The following GNG2 variants were observed in gnomAD, a reference collection of about 807,000 sequenced individuals.
The protein encoded by GNG2 is guanine nucleotide-binding protein G(I)/G(S)/G(O) subunit gamma-2.
A neutral mutation model predicts 5.5 loss-of-function variants in GNG2; 5 were observed. The ratio of observed to expected loss-of-function variants is 0.91; its 90% CI spans 0.48 to 1.92. The LOEUF (loss-of-function observed/expected upper bound fraction) is 1.92. Among genes scored for constraint, GNG2 ranks in the 30% most tolerant of loss-of-function variants. The pLI is 0.01. For missense variants in GNG2, 55 were observed against 88.4 expected, an observed-to-expected ratio of 0.62 and a Z score of 1.52; for synonymous variants, 28 against 32.0, an observed-to-expected ratio of 0.88 and a Z score of 0.42.
At chr14:51,843,470 G>T (rs1458661497) in intron 2 of GNG2, among the ~76,000 whole-genome samples, 4 of 152,108 alleles carry the variant, frequency 2.6e-5, no homozygotes, top group African/African-American at 9.7e-5. Flanking sequence ...CTTGATGCAT[G>T]TAGGGCTTAA....
intron 3 of GNG2, among the ~76,000 whole-genome samples, chr14:51,956,949 T>C (rs148093885): frequency 5.4e-4 from 83 of 152,302 alleles, no homozygotes; most frequent in African/African-American, 1.9e-3. Context: ...TCCTGTTTTT[T>C]TGGAGCCTAG....
chr14:51,897,205 C>T (rs915827449), intron 2 of GNG2, among the ~76,000 whole-genome samples: 1 of 152,192 alleles, frequency 6.6e-6, no homozygotes, highest in Admixed American at 6.5e-5. Context: ...TTGTATACTG[C>T]CTGCTTTGTT....
chr14:51,957,439 T>C (rs1383137925), intron 3 of GNG2, among the ~76,000 whole-genome samples: 1 of 152,224 alleles, frequency 6.6e-6, no homozygotes, highest in Non-Finnish European at 1.5e-5. Context: ...AAGTCATTTT[T>C]ATTCTGGAAA....
chr14:51,908,856 G>C (rs1211298284), intron 2 of GNG2, among the ~76,000 whole-genome samples: 1 of 150,790 alleles, frequency 6.6e-6, no homozygotes, highest in African/African-American at 2.4e-5. Context: ...GGGATTTTAA[G>C]GCATGAGCCA....
intron 3 of GNG2, among the ~76,000 whole-genome samples, chr14:51,951,494 TTAA>T (rs1888973508): frequency 6.6e-6 from 1 of 152,206 alleles, no homozygotes; most frequent in Non-Finnish European, 1.5e-5. Flanking sequence ...TAAATTTCTG[TTAA>T]CCATCAAAAC....
In GNG2 at chr14:51,967,498, T is replaced by G. The variant is rs1348388168; in HGVS notation, c.*811T>G. ...TGTTACATCCATTCAGAAGTTTTGT[T>G]GTTTTACTCTAAAGCTGGGAAAGGA... On this transcript the variant is annotated 3_prime_UTR_variant, in exon 4 of 4. Coordinates refer to ENST00000556766, the MANE Select transcript of GNG2 (RefSeq NM_053064.5). The G allele has an allele frequency of 6.6e-6, 1 of 152,148 alleles. No individual in the cohort carries two copies. Among genetic ancestry groups the G allele is most frequent in the Non-Finnish European group, 1.5e-5 (1 of 68,034 alleles). The allele number at this position is 152,148 out of a possible 1,614,324, so 9.4% of individuals were successfully genotyped here.
At chr14:51,941,642 CATTT>C (rs1271735929) in intron 2 of GNG2, among the ~76,000 whole-genome samples, 5 of 152,294 alleles carry the variant, frequency 3.3e-5, no homozygotes, top group African/African-American at 1.2e-4. Flanking sequence ...ATTAACAAAC[CATTT>C]ATTTATCTTT....
intron 2 of GNG2, among the ~76,000 whole-genome samples, chr14:51,919,849 A>G (rs1886904824): frequency 6.6e-6 from 1 of 152,240 alleles, no homozygotes; most frequent in South Asian, 2.1e-4. Flanking sequence ...AATTTTAACC[A>G]AACACCTGTT....
intron 2 of GNG2, chr14:51,916,042 G>C (rs1288253655): frequency 2.0e-5 from 3 of 152,870 alleles, no homozygotes; most frequent in Non-Finnish European, 4.4e-5. Flanking sequence ...AACTCCTTGA[G>C]AACAGGAGCC....
chr14:51,833,821 G>T (rs892094633), intron 2 of GNG2, among the ~76,000 whole-genome samples: 1 of 152,226 alleles, frequency 6.6e-6, no homozygotes, highest in Non-Finnish European at 1.5e-5. Context: ...CTGCTGCAAT[G>T]ATGAATGAAA....
chr14:51,968,479 A>C lies in GNG2; in HGVS notation c.*1792A>C, dbSNP rs1047683886. 2 of 152,220 alleles carry C rather than the reference A, an allele frequency of 1.3e-5. No homozygotes were observed. Among genetic ancestry groups the C allele is most frequent in the Admixed American group, 1.3e-4 (2 of 15,290 alleles). 9.4% of individuals were successfully genotyped at this position (152,220 alleles called of 1,614,324 possible). A position where few individuals can be genotyped will look rare whatever the true frequency, so the allele number is the denominator to read the frequency against. ...TCCTTCATGGGCATGCTGGTGAAAG[A>C]ATAAATACATCCAATTAAAGCTCAT... is the stretch of plus-strand genomic sequence containing the variant. On this transcript the variant is annotated 3_prime_UTR_variant, in exon 4 of 4. Transcript: ENST00000556766.
chr14:51,949,120 C>CA (rs1179223330), intron 2 of GNG2, among the ~76,000 whole-genome samples: 2,507 of 76,726 alleles, frequency 0.033, 66 homozygotes, highest in African/African-American at 0.087. Context: ...GACTCCGTCT[C>CA]AAAAAAAAAA....
At chr14:51,898,201 A>G (rs1249469105) in intron 2 of GNG2, among the ~76,000 whole-genome samples, 1 of 152,224 alleles carries the variant, frequency 6.6e-6, no homozygotes, top group East Asian at 1.9e-4. Context: ...TTTGAGGCTA[A>G]TATTATTGCT....
chr14:51,914,149 G>A, intron 2 of GNG2: 1 of 688,480 alleles, frequency 1.5e-6, no homozygotes, highest in Non-Finnish European at 2.6e-6. Context: ...TTGGGGGAAT[G>A]GAGTCATTCC....
rs548691349 is a variant in GNG2, at chr14:51,966,962, G to GCTC, written c.*276_*277insTCC. On this transcript the variant is annotated 3_prime_UTR_variant, in exon 4 of 4. Coordinates refer to ENST00000556766, the MANE Select transcript of GNG2 (RefSeq NM_053064.5). ...GTCACTTCTTTTCTGCTATCCCCCA[G>GCTC]CCCCCCCCCCAAAATCCTCATGTTT... The GCTC allele has an allele frequency of 1.6e-4, 17 of 106,470 alleles. 1 individual carries two copies. The highest frequency in any genetic ancestry group is 2.0e-4 in the Non-Finnish European group (11 of 54,792). The allele number at this position is 106,470 out of a possible 1,614,324, so 6.6% of individuals were successfully genotyped here. A position where few individuals can be genotyped will look rare whatever the true frequency, so the allele number is the denominator to read the frequency against.
chr14:51,827,900 C>A (rs1881070780), intron 2 of GNG2: 4 of 606,160 alleles, frequency 6.6e-6, no homozygotes, highest in Admixed American at 5.9e-5. Flanking sequence ...GAGTAAAGAG[C>A]TTGGAGAGAG....
chr14:51,949,321 A>C (rs984476362), intron 2 of GNG2, among the ~76,000 whole-genome samples: 1 of 149,540 alleles, frequency 6.7e-6, no homozygotes, highest in African/African-American at 2.5e-5. Context: ...CTACCAAAAG[A>C]GATAATTTAT....
chr14:51,907,485 T>C (rs937837082), intron 2 of GNG2, among the ~76,000 whole-genome samples: 1 of 152,216 alleles, frequency 6.6e-6, no homozygotes, highest in Non-Finnish European at 1.5e-5. Context: ...TCAGCAAAAC[T>C]AAACCTGTAT....
chr14:51,892,647 C>A (rs367927673), intron 2 of GNG2, among the ~76,000 whole-genome samples: 1 of 152,122 alleles, frequency 6.6e-6, no homozygotes, highest in East Asian at 1.9e-4. Flanking sequence ...AAATGTAACA[C>A]GCTCTTGTTT....
Sources: gnomAD v4.1 joint callset for allele counts (sites outside exome capture counted in the v4.1 genomes callset) on GRCh38, gnomAD v4.1.1 for gene constraint, MANE v1.5 for transcripts, NCBI Gene and HGNC (gene_info 2026-07-23, HGNC 2026-07-21) for gene names.